INKA2: variants seen among roughly 807,000 people sequenced by gnomAD.
INKA2 encodes PAK4-inhibitor INKA2.
INKA2 carries 3 observed loss-of-function variants against 9.8 expected under a neutral mutation model. The observed-to-expected ratio is 0.31, with a 90% CI of 0.14 to 0.79. The LOEUF (loss-of-function observed/expected upper bound fraction) is 0.79. INKA2 is among the 30% of genes least tolerant of loss of function. The pLI is 0.62. For missense variants in INKA2, 392 were observed against 384.4 expected (o/e 1.02, Z -0.17); for synonymous variants, 147 against 143.3 (o/e 1.03, Z -0.18).
intron 1 of INKA2, among the ~76,000 whole-genome samples, chr1:111,744,769 A>G (rs909669657): frequency 6.6e-6 from 1 of 151,932 alleles, no homozygotes; most frequent in African/African-American, 2.4e-5. Context: ...TTTAGTAGAG[A>G]CGGGGTTTCA....
chr1:111,738,797 G>A lies in INKA2; in HGVS notation c.57+389C>T, dbSNP rs922604877. Among the ~76,000 whole-genome samples the A allele has an allele frequency of 7.2e-5, 11 of 152,196 alleles. 1 individual carries two copies. In the South Asian group the frequency reaches 2.1e-3, roughly 29 times the overall value. ...GCCCCGCGCAGCCCCGCACCCAGGC[G>A]CCCGCGTCCCGCTCCCCAGGCCTTC... On this transcript the variant is annotated intron_variant, in intron 1 of 1. Coordinates refer to ENST00000357260, the MANE Select transcript of INKA2 (RefSeq NM_019099.5).
chr1:111,726,795 AACCACCTTCCCTTC>A lies in INKA2; in HGVS notation c.*159_*172del. 1 of 713,544 alleles carries A rather than the reference AACCACCTTCCCTTC, an allele frequency of 1.4e-6. No individual in the cohort carries two copies. The highest frequency in any genetic ancestry group is 2.5e-5 in the Admixed American group (1 of 39,490). The allele number at this position is 713,544 out of a possible 1,614,324, so 44.2% of individuals were successfully genotyped here. On this transcript the variant is annotated 3_prime_UTR_variant, in exon 2 of 2. Transcript: ENST00000357260. The stretch of plus-strand genomic sequence containing the variant: ...GCTAGCCCCCAAGACAGCCTCTCCC[AACCACCTTCCCTTC>A]AGTCCTGAGCCAAGAACTCTGGCTT...
intron 1 of INKA2, among the ~76,000 whole-genome samples, chr1:111,751,970 T>C (rs1663421343): frequency 1.3e-5 from 2 of 151,526 alleles, no homozygotes; most frequent in Admixed American, 1.3e-4. Flanking sequence ...CAAGAAGGTA[T>C]AACTTTATGG....
rs1663318779 is a variant in INKA2, at chr1:111,748,366, T to C, written n.124+7335A>G. Among the ~76,000 whole-genome samples the C allele has an allele frequency of 2.0e-5, 3 of 152,214 alleles. No individual in the cohort carries two copies. The South Asian group carries it at 6.2e-4, about 31-fold the overall frequency. ...TCTCTAATGCCTCAGTTTCTCTAAC[T>C]GTAAAGTGGGACAGATAATCCCACT... On this transcript the variant is annotated intron_variant and non_coding_transcript_variant, in intron 1 of 1. Transcript: ENST00000444059.
chr1:111,743,510 A>C (rs961167318), upstream of INKA2, among the ~76,000 whole-genome samples: 1 of 152,110 alleles, frequency 6.6e-6, no homozygotes, highest in African/African-American at 2.4e-5. Flanking sequence ...AATGAGCTCA[A>C]ATGAAGAGGC....
upstream of INKA2, among the ~76,000 whole-genome samples, chr1:111,740,964 C>A (rs1663132250): frequency 5.1e-5 from 3 of 58,302 alleles, 1 homozygote; most frequent in Non-Finnish European, 6.3e-5. Context: ...AAGAGAGAAA[C>A]TCCGTTTAAA....
chr1:111,731,436 C>T (rs557219680), intron 1 of INKA2, among the ~76,000 whole-genome samples: 4 of 152,170 alleles, frequency 2.6e-5, no homozygotes, highest in African/African-American at 7.2e-5. Context: ...CCACAACCTC[C>T]GCCTCCTGGG....
chr1:111,753,042 T>C (rs1017723048), intron 1 of INKA2: 1 of 152,208 alleles, frequency 6.6e-6, no homozygotes, highest in African/African-American at 2.4e-5. Flanking sequence ...TGCAAAATGA[T>C]TGGATGAGAT....
Position 111,727,040 on chromosome 1 carries a change from G to A in INKA2, c.822C>T (p.Pro274=), listed in dbSNP as rs765226342. 6.2e-7 allele frequency: 1 copy of A among 1,614,050 alleles called. No homozygotes were observed. Among genetic ancestry groups the A allele is most frequent in the Non-Finnish European group, 8.5e-7 (1 of 1,180,020 alleles). Residue 274 remains proline, a synonymous_variant, in exon 2 of 2, where the codon CCC becomes CCT. Transcript: ENST00000357260. ...CCAGGGCCTTGGGGCAGCTTGTGGG[G>A]GGATTCTCCCCTCGCCTGTGCTCCC... is the stretch of plus-strand genomic sequence containing the variant. ...GTGEHRRGEN[P]PTSCPKALEH...
intron 1 of INKA2, among the ~76,000 whole-genome samples, chr1:111,735,206 G>A (rs776501399): frequency 2.0e-5 from 3 of 152,180 alleles, no homozygotes; most frequent in Non-Finnish European, 2.9e-5. Context: ...ATCTGTGTCT[G>A]TTGGTTTGTA....
At chr1:111,730,442 G>A (rs1204162946) in intron 1 of INKA2, among the ~76,000 whole-genome samples, 1 of 152,110 alleles carries the variant, frequency 6.6e-6, no homozygotes, top group Non-Finnish European at 1.5e-5. Flanking sequence ...TGCTGCAGAA[G>A]CCTCCTAGAC....
intron 1 of INKA2, among the ~76,000 whole-genome samples, chr1:111,738,723 C>G (rs1663061842): frequency 6.6e-6 from 1 of 152,152 alleles, no homozygotes; most frequent in African/African-American, 2.4e-5. Context: ...ACCTCGTGCC[C>G]GCGCAGGGAT....
intron 1 of INKA2, chr1:111,755,338 T>G: frequency 3.2e-6 from 1 of 311,050 alleles, no homozygotes; most frequent in Non-Finnish European, 5.9e-6. Flanking sequence ...ATAAATGGGG[T>G]TTATCTCACC....
chr1:111,739,892 C>T (rs1462509864), upstream of INKA2: 1 of 152,266 alleles, frequency 6.6e-6, no homozygotes, highest in Non-Finnish European at 1.5e-5. Flanking sequence ...GTGAAATCCT[C>T]GCAGCCCTGC....
At chr1:111,742,227 G>A (rs190822656), upstream of INKA2, among the ~76,000 whole-genome samples, 6 of 152,228 alleles carry the variant, frequency 3.9e-5, no homozygotes, top group East Asian at 1.2e-3. Flanking sequence ...TCCTTTTACT[G>A]GGCATCAGTT....
chr1:111,726,299 G>T lies in INKA2; in HGVS notation c.*669C>A, dbSNP rs1022364496. Reference sequence around the variant, plus strand: ...TTCCCCTGTGCATGGGGGAGACGCGGGGAGTGTCTAGGGCTTCCCTGGCTG... The same window carrying T: ...TTCCCCTGTGCATGGGGGAGACGCGTGGAGTGTCTAGGGCTTCCCTGGCTG... On this transcript the variant is annotated 3_prime_UTR_variant, in exon 2 of 2. Transcript: ENST00000357260. The T allele has an allele frequency of 5.3e-6, 2 of 377,966 alleles. No individual in the cohort carries two copies. The highest frequency in any genetic ancestry group is 9.4e-6 in the Non-Finnish European group (2 of 213,562). The allele number at this position is 377,966 out of a possible 1,614,324, so 23.4% of individuals were successfully genotyped here. A position where few individuals can be genotyped will look rare whatever the true frequency, so the allele number is the denominator to read the frequency against.
chr1:111,742,422 T>C (rs952108933), upstream of INKA2, among the ~76,000 whole-genome samples: 1 of 152,114 alleles, frequency 6.6e-6, no homozygotes, highest in African/African-American at 2.4e-5. Context: ...CCGTCTCTAC[T>C]AAAAATACAC....
upstream of INKA2, among the ~76,000 whole-genome samples, chr1:111,740,453 C>T (rs1663119033): frequency 6.6e-6 from 1 of 152,114 alleles, no homozygotes. Context: ...TCCCTCCCAG[C>T]GCGGAGACGC....
intron 1 of INKA2, among the ~76,000 whole-genome samples, chr1:111,738,627 C>A (rs1056031624): frequency 6.6e-6 from 1 of 152,168 alleles, no homozygotes; most frequent in Non-Finnish European, 1.5e-5. Context: ...CCAAGCCTGC[C>A]CCCGCAGCCG....
Sources: gnomAD v4.1 joint callset for allele counts (sites outside exome capture counted in the v4.1 genomes callset) on GRCh38, gnomAD v4.1.1 for gene constraint, MANE v1.5 for transcripts, NCBI Gene and HGNC (gene_info 2026-07-23, HGNC 2026-07-21) for gene names.